The following NCKAP5 variants were observed in gnomAD, a reference collection of about 807,000 sequenced individuals.
The protein encoded by NCKAP5 is NCK associated protein 5.
NCKAP5 carries 92 observed loss-of-function variants against 167.0 expected under a neutral mutation model. That is an observed-to-expected ratio of 0.55 (90% CI 0.47 to 0.66). The LOEUF is 0.66. NCKAP5 is among the 30% of genes least tolerant of loss of function. NCKAP5 has a pLI of 0.00. For synonymous variants in NCKAP5, 891 were observed against 877.4 expected, an observed-to-expected ratio of 1.02 and a Z score of -0.27; for missense variants, 2,378 against 2,315.0, an observed-to-expected ratio of 1.03 and a Z score of -0.56.
intron 3 of NCKAP5, among the ~76,000 whole-genome samples, chr2:133,330,244 A>ATTTTTTTTT (rs765058418): frequency 1.3e-3 from 111 of 88,154 alleles, no homozygotes; most frequent in East Asian, 2.7e-3. Context: ...TATTTTTTGT[A>ATTTTTTTTT]TTTTTTTTTT....
chr2:133,452,776 T>C (rs1691629092), intron 3 of NCKAP5, among the ~76,000 whole-genome samples: 2 of 152,166 alleles, frequency 1.3e-5, no homozygotes. Flanking sequence ...TGTTTTTACA[T>C]GCCCTCCCGT....
rs1683955135 is a variant in NCKAP5, at chr2:133,516,013, T to C, written c.69+1445A>G. On this transcript the variant is annotated intron_variant, in intron 3 of 19. Transcript: ENST00000409261. The stretch of plus-strand genomic sequence containing the variant: ...GGGTATTTGCATAAAACTTGAGATC[T>C]GAGGCAGAAATCTATGGCTTTGGGG... 1.3e-5 allele frequency among the ~76,000 whole-genome samples: 2 copies of C among 152,236 alleles called. 1 individual carries two copies. The highest frequency in any genetic ancestry group is 4.1e-4 in the South Asian group (2 of 4,826).
At chr2:132,962,350 G>A (rs1048833175) in intron 8 of NCKAP5, among the ~76,000 whole-genome samples, 6 of 151,884 alleles carry the variant, frequency 4.0e-5, no homozygotes, top group Non-Finnish European at 5.9e-5. Flanking sequence ...TTCAGCTGAG[G>A]GAACAGAGGC....
At chr2:133,220,058 G>C (rs1047086791) in intron 4 of NCKAP5, among the ~76,000 whole-genome samples, 21 of 152,102 alleles carry the variant, frequency 1.4e-4, no homozygotes, top group Non-Finnish European at 2.9e-4. Context: ...GCTTTGTGTA[G>C]AAAATAAAGA....
intron 19 of NCKAP5, among the ~76,000 whole-genome samples, chr2:132,678,845 G>A (rs762613070): frequency 5.3e-5 from 8 of 152,080 alleles, no homozygotes; most frequent in Non-Finnish European, 1.0e-4. Context: ...AAAAACCAGC[G>A]TGCAACTCCT....
intron 10 of NCKAP5, among the ~76,000 whole-genome samples, chr2:132,862,342 CT>C (rs2148722075): frequency 6.6e-6 from 1 of 152,304 alleles, no homozygotes; most frequent in Admixed American, 6.5e-5. Context: ...CTCTCCTTGC[CT>C]TTTTTAGTTA....
At chr2:133,480,268 G>A (rs1369110065) in intron 3 of NCKAP5, among the ~76,000 whole-genome samples, 2 of 152,032 alleles carry the variant, frequency 1.3e-5, no homozygotes, top group African/African-American at 4.8e-5. Context: ...AGGATGGTAG[G>A]GGGAACAGCA....
In NCKAP5 at chr2:133,033,601, A is replaced by G. The variant is rs145993649; in HGVS notation, c.342-39362T>C. Reference sequence around the variant, plus strand: ...AAAATAGCTGCGTTGAGGAAACTCAAAGAAATTCAAGATAACACATATAAG... The same window carrying G: ...AAAATAGCTGCGTTGAGGAAACTCAGAGAAATTCAAGATAACACATATAAG... On this transcript the variant is annotated intron_variant, in intron 6 of 19. Transcript: ENST00000409261. Among the ~76,000 whole-genome samples the G allele has an allele frequency of 7.2e-5, 11 of 152,316 alleles. No homozygotes were observed. The East Asian group carries it at 2.1e-3, about 29-fold the overall frequency.
intron 7 of NCKAP5, among the ~76,000 whole-genome samples, chr2:132,977,984 C>A (rs1382936809): frequency 3.9e-5 from 6 of 152,118 alleles, no homozygotes; most frequent in African/African-American, 1.4e-4. Context: ...CCACTCACAG[C>A]CTCAGTGGGA....
At chr2:132,992,845 C>T (rs563091678) in intron 7 of NCKAP5, among the ~76,000 whole-genome samples, 1 of 152,258 alleles carries the variant, frequency 6.6e-6, no homozygotes, top group Admixed American at 6.5e-5. Flanking sequence ...TCTGAGGTAG[C>T]TTAAGTCAAC....
At chr2:132,971,347 G>A (rs1210565639) in intron 7 of NCKAP5, among the ~76,000 whole-genome samples, 1 of 152,184 alleles carries the variant, frequency 6.6e-6, no homozygotes, top group Non-Finnish European at 1.5e-5. Context: ...CAACTGAGAA[G>A]TCCAAAAGTA....
rs143806401 is a variant in NCKAP5, at chr2:133,163,032, T to G, written c.208-32921A>C. On this transcript the variant is annotated intron_variant, in intron 5 of 19. Coordinates refer to ENST00000409261, the MANE Select transcript of NCKAP5 (RefSeq NM_207363.3). ...AAGGAAACTCCAATATTCAGTTGCA[T>G]GTCAGCAAATGGGGGAAACGTTCTA... Among the ~76,000 whole-genome samples the G allele has an allele frequency of 2.5e-3, 381 of 152,320 alleles. 2 individuals carry two copies. Among genetic ancestry groups the G allele is most frequent in the Admixed American group, 0.017 (260 of 15,306 alleles).
chr2:132,875,564 G>A (rs1481708910), intron 9 of NCKAP5, among the ~76,000 whole-genome samples: 2 of 152,162 alleles, frequency 1.3e-5, no homozygotes, highest in African/African-American at 4.8e-5. Context: ...AGGATACAAC[G>A]GAATCCATTG....
chr2:133,258,239 T>C (rs935150630), intron 4 of NCKAP5, among the ~76,000 whole-genome samples: 6 of 152,186 alleles, frequency 3.9e-5, no homozygotes, highest in Admixed American at 2.6e-4. Flanking sequence ...GACTACTGCA[T>C]AGAAGTAGTT....
chr2:132,759,865 C>A (rs1229461288), intron 16 of NCKAP5, among the ~76,000 whole-genome samples: 1 of 151,750 alleles, frequency 6.6e-6, no homozygotes, highest in Non-Finnish European at 1.5e-5. Context: ...AGTTGTCCAG[C>A]TTTTCTGTAT....
At chr2:133,084,615 G>C (rs886802193) in intron 6 of NCKAP5, among the ~76,000 whole-genome samples, 2 of 152,106 alleles carry the variant, frequency 1.3e-5, no homozygotes, top group Admixed American at 1.3e-4. Flanking sequence ...TAAGCACATC[G>C]AAATGGTATA....
chr2:133,197,735 GGTCAT>G (rs1252653175), intron 5 of NCKAP5, among the ~76,000 whole-genome samples: 1 of 152,106 alleles, frequency 6.6e-6, no homozygotes. Flanking sequence ...CAGATCATGA[GGTCAT>G]GAGATAGAGA....
At chr2:133,083,786 G>T (rs72998839) in intron 6 of NCKAP5, among the ~76,000 whole-genome samples, 3 of 152,068 alleles carry the variant, frequency 2.0e-5, no homozygotes, top group African/African-American at 7.2e-5. Context: ...CTGAGTCACC[G>T]CAATCTAAGG....
chr2:133,181,193 T>C (rs2084716127), intron 5 of NCKAP5, among the ~76,000 whole-genome samples: 2 of 152,186 alleles, frequency 1.3e-5, no homozygotes. Flanking sequence ...ATTTACATTA[T>C]AAGCAGGACA....
Sources: gnomAD v4.1 joint callset for allele counts (sites outside exome capture counted in the v4.1 genomes callset) on GRCh38, gnomAD v4.1.1 for gene constraint, MANE v1.5 for transcripts, NCBI Gene and HGNC (gene_info 2026-07-23, HGNC 2026-07-21) for gene names.